Variants in PDPR observed in about 807,000 individuals in gnomAD.
The protein encoded by PDPR is pyruvate dehydrogenase phosphatase regulatory subunit, mitochondrial.
Under a neutral mutation model 102.2 loss-of-function variants are expected in PDPR, and 50 were observed. That is an observed-to-expected ratio of 0.49 (90% CI 0.39 to 0.62). The LOEUF is 0.62. Ranked by LOEUF, PDPR falls within the 20% of genes least tolerant of loss-of-function variation. PDPR has a pLI of 0.00. For missense variants in PDPR, 625 were observed against 1,098.2 expected, an observed-to-expected ratio of 0.57 and a Z score of 6.09; for synonymous variants, 259 against 406.0, an observed-to-expected ratio of 0.64 and a Z score of 4.35.
At chr16:70,131,840 C>A in intron 8 of PDPR, 1 of 1,410,428 alleles carries the variant, frequency 7.1e-7, no homozygotes, top group Non-Finnish European at 9.3e-7. Context: ...CTGCAACCCC[C>A]CTCTCTGTTA....
intron 2 of PDPR, among the ~76,000 whole-genome samples, chr16:70,115,761 C>A (rs1240849799): frequency 6.6e-6 from 1 of 152,068 alleles, no homozygotes; most frequent in Non-Finnish European, 1.5e-5. Context: ...AGAAGTTATT[C>A]TTCTTAGCAG....
chr16:70,157,369 C>T lies in PDPR; in HGVS notation c.*490C>T, dbSNP rs1393779414. 5.4e-6 allele frequency: 2 copies of T among 370,200 alleles called. No individual in the cohort carries two copies. Among genetic ancestry groups the T allele is most frequent in the Non-Finnish European group, 1.1e-5 (2 of 188,828 alleles). 22.9% of individuals were successfully genotyped at this position (370,200 alleles called of 1,614,324 possible). A position where few individuals can be genotyped will look rare whatever the true frequency, so the allele number is the denominator to read the frequency against. ...GCAGCTCGTGCCTGCAGCCCGGCAG[C>T]TCGTTCTCCTGTTCTGCTGTGCTGT... On this transcript the variant is annotated 3_prime_UTR_variant, in exon 19 of 19. Transcript: ENST00000288050.
At chr16:70,135,750 T>C (rs1965061897) in intron 9 of PDPR, among the ~76,000 whole-genome samples, 2 of 152,252 alleles carry the variant, frequency 1.3e-5, no homozygotes, top group Non-Finnish European at 2.9e-5. Flanking sequence ...TTGTGATAAA[T>C]GGCCCAGTTG....
In PDPR at chr16:70,114,906, ACC is replaced by A. The variant is rs1217381223; in HGVS notation, c.-56_-55del. On this transcript the variant is annotated 5_prime_UTR_variant, in exon 2 of 19. The change abolishes the stop of an existing upstream ORF in the 5' untranslated region. Transcript: ENST00000288050. Reference sequence around the variant, plus strand: ...GCTGCAGAGTCCGGAGGAAGAAGTCACCTAGAAAAATCTGGGACAGGGCAGTA... The same window carrying A: ...GCTGCAGAGTCCGGAGGAAGAAGTCATAGAAAAATCTGGGACAGGGCAGTA... The A allele has an allele frequency of 6.6e-6, 1 of 152,264 alleles. No individual in the cohort carries two copies. Among genetic ancestry groups the A allele is most frequent in the Non-Finnish European group, 1.5e-5 (1 of 68,090 alleles). The allele number at this position is 152,264 out of a possible 1,614,324, so 9.4% of individuals were successfully genotyped here.
At chr16:70,151,006 C>T (rs1336143225) in intron 17 of PDPR, among the ~76,000 whole-genome samples, 1 of 152,190 alleles carries the variant, frequency 6.6e-6, no homozygotes, top group African/African-American at 2.4e-5. Flanking sequence ...ATGATCTCGG[C>T]TCACTGCAAG....
At chr16:70,122,244 C>T (rs1202332416) in intron 3 of PDPR, among the ~76,000 whole-genome samples, 1 of 152,278 alleles carries the variant, frequency 6.6e-6, no homozygotes, top group Admixed American at 6.5e-5. Flanking sequence ...ACCTTGGCCT[C>T]CCAAAGTACT....
Position 70,153,482 on chromosome 16 carries a change from T to G in PDPR, c.2144T>G (p.Ile715Ser). 6.2e-7 allele frequency: 1 copy of G among 1,613,468 alleles called. No homozygotes were observed. The highest frequency in any genetic ancestry group is 8.5e-7 in the Non-Finnish European group (1 of 1,179,714). ...TATTACGCTCTTCGCAGTCTCCGAA[T>G]TGAGAAGTTTTTTGCCTTCTGGGGT... ...AGYYALRSLR[I>S]EKFFAFWGQD... The change falls in exon 18 of 19, where the codon ATT (isoleucine) becomes AGT (serine). Residue 715 changes from isoleucine (I) to serine (S), a missense_variant. This residue lies in a region of PDPR where 303 missense variants were observed against 258.9 expected (regional missense o/e 1.17). Coordinates refer to ENST00000288050, the MANE Select transcript of PDPR (RefSeq NM_017990.5).
At chr16:70,123,524 C>T (rs1345216394) in intron 3 of PDPR, among the ~76,000 whole-genome samples, 31 of 152,350 alleles carry the variant, frequency 2.0e-4, no homozygotes, top group African/African-American at 6.0e-4. Flanking sequence ...AGGTGTGGGC[C>T]GCCACACTTG....
chr16:70,156,610 C>A lies in PDPR; in HGVS notation c.2371C>A (p.Arg791=), dbSNP rs373741227. 3.1e-6 allele frequency: 5 copies of A among 1,614,076 alleles called. No homozygotes were observed. Among genetic ancestry groups the A allele is most frequent in the Non-Finnish European group, 4.2e-6 (5 of 1,179,902 alleles). Residue 791 remains arginine (R), a synonymous_variant, in exon 19 of 19, where the codon CGG becomes AGG. Coordinates refer to ENST00000288050, the MANE Select transcript of PDPR (RefSeq NM_017990.5). Reference sequence around the variant, plus strand: ...GCCTTGGTGGGGAGAGCCCATTTACCGGAATGGGCAGTATGTTGGCAAGAC... The same window carrying A: ...GCCTTGGTGGGGAGAGCCCATTTACAGGAATGGGCAGTATGTTGGCAAGAC... The part of the protein sequence containing the change: ...LWPWWGEPIY[R]NGQYVGKTTS...
intron 18 of PDPR, among the ~76,000 whole-genome samples, chr16:70,155,391 C>T (rs182635070): frequency 6.8e-4 from 104 of 152,234 alleles, no homozygotes; most frequent in Admixed American, 1.6e-3. Flanking sequence ...AAGCGATTCT[C>T]CTGCCTCAGT....
intron 15 of PDPR, chr16:70,145,917 G>A (rs1966204346): frequency 1.8e-6 from 1 of 542,256 alleles, no homozygotes; most frequent in Non-Finnish European, 3.3e-6. Context: ...GGGTGGTTAT[G>A]GCCAGCCCTG....
Position 70,158,231 on chromosome 16 carries a change from G to C in PDPR, c.*1352G>C, listed in dbSNP as rs746993313. The C allele has an allele frequency of 2.0e-5, 3 of 152,440 alleles. No individual in the cohort carries two copies. Among genetic ancestry groups the C allele is most frequent in the Non-Finnish European group, 4.4e-5 (3 of 68,134 alleles). The allele number at this position is 152,440 out of a possible 1,614,324, so 9.4% of individuals were successfully genotyped here. ...TGAAACTTAGATATCATGGACTGTT[G>C]TCCAGCCTCAATGCTTCATTTTCCC... is the stretch of plus-strand genomic sequence containing the variant. On this transcript the variant is annotated 3_prime_UTR_variant, in exon 19 of 19. Coordinates refer to ENST00000288050, the MANE Select transcript of PDPR (RefSeq NM_017990.5).
chr16:70,134,636 A>G (rs1301211283), intron 9 of PDPR, among the ~76,000 whole-genome samples: 1 of 151,624 alleles, frequency 6.6e-6, no homozygotes, highest in East Asian at 2.0e-4. Context: ...AAATATAAAA[A>G]TTAGCTGGAT....
At chr16:70,139,348 G>A (rs536488242) in intron 11 of PDPR, among the ~76,000 whole-genome samples, 6 of 152,206 alleles carry the variant, frequency 3.9e-5, no homozygotes, top group Non-Finnish European at 7.3e-5. Context: ...GTCGAAGTGC[G>A]TGCTTTCTGC....
At chr16:70,154,741 G>A (rs892121151) in intron 18 of PDPR, among the ~76,000 whole-genome samples, 3 of 152,214 alleles carry the variant, frequency 2.0e-5, no homozygotes, top group African/African-American at 7.2e-5. Context: ...TCATGCTCAA[G>A]TGATCCTCCC....
intron 6 of PDPR, among the ~76,000 whole-genome samples, chr16:70,129,848 C>T (rs1449649300): frequency 1.3e-5 from 2 of 152,270 alleles, no homozygotes; most frequent in African/African-American, 2.4e-5. Flanking sequence ...CTATTTACAT[C>T]CTCTCCTCTC....
At position 70,161,110 on chromosome 16, in the gene PDPR, T is replaced by A. The variant is rs1967743055; in HGVS notation, c.*4231T>A. 1 of 152,584 alleles carries A rather than the reference T, an allele frequency of 6.6e-6. No individual in the cohort carries two copies. Among genetic ancestry groups the A allele is most frequent in the Non-Finnish European group, 1.5e-5 (1 of 68,312 alleles). The allele number at this position is 152,584 out of a possible 1,614,324, so 9.5% of individuals were successfully genotyped here. On this transcript the variant is annotated 3_prime_UTR_variant, in exon 19 of 19. Transcript: ENST00000288050. ...TAGTCAATAAGGGTCTTCTTTAACA[T>A]CTAAGATAGAGGTTTGGTTGGCCGG...
Position 70,148,427 on chromosome 16 carries a change from T to C in PDPR, c.1963-37T>C, listed in dbSNP as rs778760269. 3 of 1,468,382 alleles carry C rather than the reference T, an allele frequency of 2.0e-6. No individual in the cohort carries two copies. In the Admixed American group the frequency reaches 5.2e-5, roughly 25 times the overall value. 91.0% of individuals were successfully genotyped at this position (1,468,382 alleles called of 1,614,324 possible). A position where few individuals can be genotyped will look rare whatever the true frequency, so the allele number is the denominator to read the frequency against. Reference sequence around the variant, plus strand: ...GGCGTCCCTCCCTTGACAAGTAATGTGAGTGCCCAGGCTGACTGCTGCCTT... The same window carrying C: ...GGCGTCCCTCCCTTGACAAGTAATGCGAGTGCCCAGGCTGACTGCTGCCTT... On this transcript the variant is annotated intron_variant, in intron 16 of 18. Coordinates refer to ENST00000288050, the MANE Select transcript of PDPR (RefSeq NM_017990.5).
chr16:70,123,380 G>A (rs1386332758), intron 3 of PDPR, among the ~76,000 whole-genome samples: 2 of 152,200 alleles, frequency 1.3e-5, no homozygotes, highest in Non-Finnish European at 2.9e-5. Flanking sequence ...GGGACTACAG[G>A]CATGCACTAC....
Sources: allele counts gnomAD v4.1 joint callset (sites outside exome capture counted in the v4.1 genomes callset), GRCh38; gene constraint gnomAD v4.1.1; regional missense constraint gnomAD v4.1.1; transcripts MANE v1.5; gene names NCBI Gene and HGNC (gene_info 2026-07-23, HGNC 2026-07-21).